The following SP2 variants were observed in gnomAD, a reference collection of about 807,000 sequenced individuals.
SP2 encodes the protein Sp2 transcription factor, also known as transcription factor Sp2.
SP2 carries 9 observed loss-of-function variants against 50.1 expected under a neutral mutation model. The ratio of observed to expected loss-of-function variants is 0.18; its 90% CI spans 0.11 to 0.31. SP2 has a LOEUF of 0.31. SP2 is among the 10% of genes least tolerant of loss of function. The pLI is 1.00. For missense variants in SP2, 581 were observed against 806.5 expected (o/e 0.72, Z 3.39); for synonymous variants, 313 against 326.6 (o/e 0.96, Z 0.45).
At chr17:47,921,393 C>T (rs1014825774) in intron 3 of SP2, among the ~76,000 whole-genome samples, 6 of 152,176 alleles carry the variant, frequency 3.9e-5, no homozygotes, top group Admixed American at 1.3e-4. Context: ...GGATTACAGG[C>T]GTGCGCCATC....
At chr17:47,918,960 C>T (rs1038838524) in intron 3 of SP2, among the ~76,000 whole-genome samples, 8 of 151,948 alleles carry the variant, frequency 5.3e-5, no homozygotes, top group African/African-American at 1.5e-4. Flanking sequence ...ATTTACTCTC[C>T]GGCCCTTTAT....
intron 3 of SP2, chr17:47,918,322 A>G (rs2035295246): frequency 6.6e-6 from 1 of 152,174 alleles, no homozygotes; most frequent in Non-Finnish European, 1.5e-5. Context: ...TATTTTTTAT[A>G]AGTCATTTAT....
At chr17:47,915,070 TGG>T (rs1221730739) in intron 1 of SP2, among the ~76,000 whole-genome samples, 1 of 151,868 alleles carries the variant, frequency 6.6e-6, no homozygotes, top group East Asian at 1.9e-4. Context: ...AAAAATTAGC[TGG>T]GCATGGTGGC....
intron 1 of SP2, among the ~76,000 whole-genome samples, chr17:47,904,096 A>G (rs1489224114): frequency 1.3e-5 from 2 of 151,946 alleles, no homozygotes; most frequent in African/African-American, 4.8e-5. Flanking sequence ...CCCTGTCTCT[A>G]CTAAAAATAC....
At chr17:47,922,090 T>C (rs530518808) in intron 3 of SP2, among the ~76,000 whole-genome samples, 2 of 152,280 alleles carry the variant, frequency 1.3e-5, no homozygotes, top group African/African-American at 4.8e-5. Flanking sequence ...CTTCTCCCTT[T>C]CCATAACTCC....
intron 1 of SP2, among the ~76,000 whole-genome samples, chr17:47,909,997 G>A (rs954152436): frequency 6.6e-6 from 1 of 152,098 alleles, no homozygotes; most frequent in African/African-American, 2.4e-5. Flanking sequence ...ACAGGCATGC[G>A]CCACCACACC....
Position 47,915,367 on chromosome 17 carries a change from G to A in SP2, c.63G>A (p.Gln21=), listed in dbSNP as rs1489304726. 1.8e-5 allele frequency: 29 copies of A among 1,613,268 alleles called. No homozygotes were observed. Among genetic ancestry groups the A allele is most frequent in the Non-Finnish European group, 2.5e-5 (29 of 1,179,632 alleles). ...CTGTGAGTCCCAGTGACTACCTGCA[G>A]CCTGCCGCCTCCACCACCCAGGCGA... The part of the protein sequence containing the change: ...TAAVSPSDYL[Q]PAASTTQDSQ... The change falls in exon 2 of 7, where the codon CAG becomes CAA. Residue 21 remains glutamine (Q), a synonymous_variant. Transcript: ENST00000376741.
intron 1 of SP2, among the ~76,000 whole-genome samples, chr17:47,901,048 C>T (rs1229781921): frequency 6.6e-6 from 1 of 152,048 alleles, no homozygotes; most frequent in Non-Finnish European, 1.5e-5. Flanking sequence ...TGGGATGTGA[C>T]GCAGTCAGGA....
chr17:47,896,760 C>A (rs2034354560), intron 1 of SP2, among the ~76,000 whole-genome samples: 1 of 152,174 alleles, frequency 6.6e-6, no homozygotes, highest in Non-Finnish European at 1.5e-5. Context: ...ATTCAGGGCT[C>A]CCCGGAGAAC....
intron 1 of SP2, among the ~76,000 whole-genome samples, chr17:47,901,120 C>A (rs557171115): frequency 6.6e-6 from 1 of 151,392 alleles, no homozygotes; most frequent in East Asian, 1.9e-4. Context: ...GACAGATAGG[C>A]GGTATTCAAA....
At chr17:47,927,664 T>A in intron 6 of SP2, 60 bp from the exon 7 acceptor site, 1 of 1,203,280 alleles carries the variant, frequency 8.3e-7, no homozygotes, top group Non-Finnish European at 1.2e-6. Flanking sequence ...CCCCACCTTT[T>A]TGGGCAGAGA....
chr17:47,926,024 C>A (rs1030212203), intron 6 of SP2, among the ~76,000 whole-genome samples: 1 of 144,974 alleles, frequency 6.9e-6, no homozygotes, highest in South Asian at 2.3e-4. Context: ...TCAAGCAATT[C>A]TCCTGCCTCA....
intron 1 of SP2, among the ~76,000 whole-genome samples, chr17:47,905,801 G>A (rs950551414): frequency 6.6e-6 from 1 of 152,190 alleles, no homozygotes; most frequent in African/African-American, 2.4e-5. Flanking sequence ...GGTGGGAGGA[G>A]GTCAGGAAAG....
chr17:47,925,178 G>C, intron 5 of SP2, 85 bp downstream of exon 5: 1 of 1,498,606 alleles, frequency 6.7e-7, no homozygotes, highest in Non-Finnish European at 8.9e-7. Context: ...CTGCAAGCTG[G>C]CACAGACCAG....
At chr17:47,912,795 G>C (rs2035044587) in intron 1 of SP2, among the ~76,000 whole-genome samples, 1 of 152,104 alleles carries the variant, frequency 6.6e-6, no homozygotes, top group African/African-American at 2.4e-5. Flanking sequence ...CTTCCAAACA[G>C]AGAAGCCTGA....
rs114228308 is a variant in SP2 at position 47,923,046 on chromosome 17, A to G, written c.1144A>G (p.Thr382Ala). The G allele has an allele frequency of 2.3e-3, 3,667 of 1,614,150 alleles. 52 individuals are homozygous for G. In the African/African-American group the frequency reaches 0.032, roughly 14 times the overall value. ...AGCAACAGCTGCAGCCACCTCTAAC[A>G]CCACCTGTAGCAGCCCTGCATCCCG... ...PPATAAATSN[T>A]TCSSPASRAP... Residue 382 changes from threonine to alanine, a missense_variant, in exon 4 of 7, where the codon ACC becomes GCC. Thr to Ala is a moderately conservative substitution (Grantham distance 58, BLOSUM62 0). Coordinates refer to ENST00000376741, the MANE Select transcript of SP2 (RefSeq NM_003110.6).
At chr17:47,907,093 C>T (rs895657970) in intron 1 of SP2, among the ~76,000 whole-genome samples, 3 of 152,006 alleles carry the variant, frequency 2.0e-5, no homozygotes, top group Middle Eastern at 3.4e-3. Flanking sequence ...GCAAGGAGGT[C>T]GCTGGTGACC....
chr17:47,918,835 C>T lies in SP2; in HGVS notation c.1059+1705C>T, dbSNP rs2035318328. On this transcript the variant is annotated intron_variant, in intron 3 of 6. Transcript: ENST00000376741. ...TTGAAGCCAAATCTAGCCCACCTGCCTGTTTTTGTAAATAAAGTTTAATTG... is the reference window on the plus strand; with the variant it reads ...TTGAAGCCAAATCTAGCCCACCTGCTTGTTTTTGTAAATAAAGTTTAATTG... 2.0e-5 allele frequency among the ~76,000 whole-genome samples: 3 copies of T among 152,172 alleles called. No homozygotes were observed. The South Asian group carries it at 6.2e-4, about 31-fold the overall frequency.
intron 1 of SP2, 80 bp downstream of exon 1, chr17:47,896,373 G>C (rs1598086142): frequency 8.6e-7 from 1 of 1,161,444 alleles, no homozygotes; most frequent in East Asian, 3.2e-5. Flanking sequence ...GGGAGAGGGA[G>C]CCGAGGCCGG....
Sources: gnomAD v4.1 joint callset for allele counts (sites outside exome capture counted in the v4.1 genomes callset) on GRCh38, gnomAD v4.1.1 for gene constraint, MANE v1.5 for transcripts, NCBI Gene and HGNC (gene_info 2026-07-23, HGNC 2026-07-21) for gene names.